Variants in GALNT15 observed in about 807,000 individuals in gnomAD.
GALNT15 encodes the protein UDP-GalNAc transferase T15.
GALNT15 carries 67 observed loss-of-function variants against 66.8 expected under a neutral mutation model. The observed-to-expected ratio is 1.00, with a 90% CI of 0.82 to 1.23. The LOEUF (loss-of-function observed/expected upper bound fraction) is 1.23. GALNT15 is among the 50% of genes most tolerant of loss of function. The pLI is 0.00. For missense variants in GALNT15, 827 were observed against 804.3 expected (o/e 1.03, Z -0.34); for synonymous variants, 313 against 311.5 (o/e 1.00, Z -0.05).
At chr3:16,233,092 A>ATGTTTTTTTTTTTTTTT (rs771943641), downstream of GALNT15, among the ~76,000 whole-genome samples, 1 of 48,068 alleles carries the variant, frequency 2.1e-5, no homozygotes. Context: ...AGGATAATGC[A>ATGTTTTTTTTTTTTTTT]TCTTTTTTTT....
At chr3:16,230,677 C>T (rs6776381), downstream of GALNT15, among the ~76,000 whole-genome samples, 33,144 of 152,098 alleles carry the variant, frequency 0.22, 3,762 homozygotes, top group African/African-American at 0.28. The surrounding 1 kb of genome is among the most constrained non-coding windows in gnomAD (Gnocchi z 4.5). Context: ...TTGCTGGGCA[C>T]AACTCTACTT....
the GALNT15 span, among the ~76,000 whole-genome samples, chr3:16,242,276 A>G: frequency 6.6e-6 from 1 of 152,222 alleles, no homozygotes; most frequent in African/African-American, 2.4e-5. The surrounding 1 kb of genome is among the most constrained non-coding windows in gnomAD (Gnocchi z 5.6). Flanking sequence ...TTAAGCCACC[A>G]TGCCTGCAGG....
At chr3:16,242,585 C>G in the GALNT15 span, among the ~76,000 whole-genome samples, 1 of 151,704 alleles carries the variant, frequency 6.6e-6, no homozygotes, top group Non-Finnish European at 1.5e-5. The surrounding 1 kb of genome is among the most constrained non-coding windows in gnomAD (Gnocchi z 5.6). Context: ...TGGCAAAAAC[C>G]AATCTCTACC....
At position 16,195,910 on chromosome 3, in the gene GALNT15, C is replaced by T. The variant is rs143791583; in HGVS notation, c.690C>T (p.Asp230=). The T allele has an allele frequency of 8.5e-5, 137 of 1,614,074 alleles. No homozygotes were observed. In the African/African-American group the frequency reaches 1.6e-3, roughly 19 times the overall value. ...TCCTGAAGGAGATCATCCTCGTGGA[C>T]GACCTCAGCCAGCAAGGTAGCCACG... ...RAFLKEIILV[D]DLSQQGQLKS... is the part of the protein sequence containing the mutation. The change falls in exon 2 of 10, where the codon GAC becomes GAT. Residue 230 remains aspartate, a synonymous_variant. Transcript: ENST00000339732. The surrounding 1 kb of genome is among the most constrained non-coding windows in gnomAD (Gnocchi z 4.6).
rs185025203 is a variant in GALNT15, at chr3:16,221,638, G to A, written c.1630-977G>A. On this transcript the variant is annotated intron_variant, in intron 8 of 9. Coordinates refer to ENST00000339732, the MANE Select transcript of GALNT15 (RefSeq NM_054110.5). ...TAGCAAGCCAGCTTTGACCTTCAAA[G>A]GGTAACCTGTCCTTGAAAAGTTTGA... 2.7e-3 allele frequency among the ~76,000 whole-genome samples: 404 copies of A among 152,294 alleles called. 2 individuals carry two copies. Among genetic ancestry groups the A allele is most frequent in the African/African-American group, 8.2e-3 (340 of 41,562 alleles).
chr3:16,177,324 G>A (rs1306264259), intron 1 of GALNT15, among the ~76,000 whole-genome samples: 2 of 152,224 alleles, frequency 1.3e-5, no homozygotes, highest in Non-Finnish European at 2.9e-5. Flanking sequence ...GAGAGGGTCT[G>A]TGGCTACCAA....
intron 3 of GALNT15, among the ~76,000 whole-genome samples, chr3:16,208,063 A>C (rs1027796817): frequency 6.6e-6 from 1 of 152,204 alleles, no homozygotes; most frequent in African/African-American, 2.4e-5. Flanking sequence ...TTGAAGAAAG[A>C]AAAGTACTGG....
At chr3:16,233,651 G>C (rs1226653171), downstream of GALNT15, among the ~76,000 whole-genome samples, 1 of 152,018 alleles carries the variant, frequency 6.6e-6, no homozygotes, top group Non-Finnish European at 1.5e-5. Context: ...GGTTTTTGTG[G>C]TAATTTTTAT....
At chr3:16,199,700 C>CAACCA (rs2063678539) in intron 2 of GALNT15, among the ~76,000 whole-genome samples, 1 of 151,980 alleles carries the variant, frequency 6.6e-6, no homozygotes, top group African/African-American at 2.4e-5. Context: ...CCATGGGGGA[C>CAACCA]TCTGGAGCAC....
At chr3:16,242,575 T>C in the GALNT15 span, among the ~76,000 whole-genome samples, 1 of 151,722 alleles carries the variant, frequency 6.6e-6, no homozygotes, top group African/African-American at 2.4e-5. The surrounding 1 kb of genome is among the most constrained non-coding windows in gnomAD (Gnocchi z 5.6). Flanking sequence ...TTGGGCAACA[T>C]GGCAAAAACC....
At chr3:16,202,560 G>A (rs1256152063) in intron 3 of GALNT15, among the ~76,000 whole-genome samples, 1 of 152,230 alleles carries the variant, frequency 6.6e-6, no homozygotes, top group Non-Finnish European at 1.5e-5. Flanking sequence ...TTGAACCTGG[G>A]AGGCAGAGGT....
At chr3:16,230,384 C>T (rs970838224), downstream of GALNT15, among the ~76,000 whole-genome samples, 5 of 152,108 alleles carry the variant, frequency 3.3e-5, no homozygotes, top group Non-Finnish European at 7.4e-5. This position sits in a 1 kb window ranked among gnomAD's most constrained non-coding sequence, Gnocchi z 4.5. Flanking sequence ...GTTGAAAAGT[C>T]CTCAGTGACA....
At position 16,209,681 on chromosome 3, in the gene GALNT15, G is replaced by T. The variant is rs1312635341; in HGVS notation, c.1079+1011G>T. ...AAAATTACAAAAAAAAATTAGCTGG[G>T]CATGGTAGCACACTCCTGTAGTCCC... On this transcript the variant is annotated intron_variant, in intron 4 of 9. Coordinates refer to ENST00000339732, the MANE Select transcript of GALNT15 (RefSeq NM_054110.5). The surrounding 1 kb of genome is among the most constrained non-coding windows in gnomAD (Gnocchi z 4.1). Among the ~76,000 whole-genome samples, 6 of 152,066 alleles carry T rather than the reference G, an allele frequency of 3.9e-5. No individual in the cohort carries two copies.
chr3:16,190,213 A>T (rs991025458), intron 1 of GALNT15, among the ~76,000 whole-genome samples: 1 of 152,220 alleles, frequency 6.6e-6, no homozygotes, highest in Non-Finnish European at 1.5e-5. Flanking sequence ...GATGAAGCCC[A>T]TCCTGGGATG....
rs1339473904 is a variant in GALNT15 at position 16,183,101 on chromosome 3, T to C, written c.539+7411T>C. 1.3e-5 allele frequency: 2 copies of C among 152,198 alleles called. No homozygotes were observed. The highest frequency in any genetic ancestry group is 2.9e-5 in the Non-Finnish European group (2 of 68,122). The allele number at this position is 152,198 out of a possible 1,614,324, so 9.4% of individuals were successfully genotyped here. A position where few individuals can be genotyped will look rare whatever the true frequency, so the allele number is the denominator to read the frequency against. ...TGTGTGCCTGTCTCTGGTTCAGAGG[T>C]AGATGCCAGGATCAGAGCAAGCCAA... On this transcript the variant is annotated intron_variant, in intron 1 of 9. Transcript: ENST00000339732. This position sits in a 1 kb window ranked among gnomAD's most constrained non-coding sequence, Gnocchi z 5.2.
intron 1 of GALNT15, among the ~76,000 whole-genome samples, chr3:16,190,956 A>G (rs1417788063): frequency 1.3e-5 from 2 of 152,220 alleles, no homozygotes; most frequent in African/African-American, 4.8e-5. Flanking sequence ...CTGAGAGAGG[A>G]GAAGGATTCT....
chr3:16,190,770 G>A (rs1177174032), intron 1 of GALNT15, among the ~76,000 whole-genome samples: 1 of 152,164 alleles, frequency 6.6e-6, no homozygotes, highest in Non-Finnish European at 1.5e-5. Flanking sequence ...CATGTTGTGG[G>A]TGCTGGGCCT....
At position 16,229,200 on chromosome 3, in the gene GALNT15, G is replaced by T. The variant is rs923307907; in HGVS notation, c.*1700G>T. On this transcript the variant is annotated 3_prime_UTR_variant, in exon 10 of 10. Coordinates refer to ENST00000339732, the MANE Select transcript of GALNT15 (RefSeq NM_054110.5). ...TCCAAACAATACCTATCATAACTAC[G>T]TATTCATTGTCTACCTGCTAAGTCA... The T allele has an allele frequency of 4.1e-6, 4 of 985,106 alleles. No homozygotes were observed. The highest frequency in any genetic ancestry group is 4.8e-6 in the Non-Finnish European group (4 of 829,848). The allele number at this position is 985,106 out of a possible 1,614,324, so 61.0% of individuals were successfully genotyped here. A position where few individuals can be genotyped will look rare whatever the true frequency, so the allele number is the denominator to read the frequency against.
In GALNT15 at chr3:16,200,961, G is replaced by C. The variant is rs1157123587; in HGVS notation, c.911+138G>C. 2 of 612,448 alleles carry C rather than the reference G, an allele frequency of 3.3e-6. No homozygotes were observed. The highest frequency in any genetic ancestry group is 5.3e-6 in the Non-Finnish European group (2 of 380,920). 37.9% of individuals were successfully genotyped at this position (612,448 alleles called of 1,614,324 possible). On this transcript the variant is annotated intron_variant, in intron 3 of 9. Transcript: ENST00000339732. The surrounding 1 kb of genome is among the most constrained non-coding windows in gnomAD (Gnocchi z 4.4). ...GTGATATATTCCCTTCGGGTTTTCAGATGTGTAAGTTTTTTAAGACTATAG... is the reference window on the plus strand; with the variant it reads ...GTGATATATTCCCTTCGGGTTTTCACATGTGTAAGTTTTTTAAGACTATAG...
Sources: gnomAD v4.1 joint callset for allele counts (sites outside exome capture counted in the v4.1 genomes callset) on GRCh38, gnomAD v4.1.1 for gene constraint, Gnocchi (gnomAD v3.1) non-coding constraint, MANE v1.5 for transcripts, NCBI Gene and HGNC (gene_info 2026-07-23, HGNC 2026-07-21) for gene names.